The following DEPTOR variants were observed in gnomAD, a reference collection of about 807,000 sequenced individuals.
The protein encoded by DEPTOR is DEP domain-containing mTOR-interacting protein.
DEPTOR carries 41 observed loss-of-function variants against 41.6 expected under a neutral mutation model. The ratio of observed to expected loss-of-function variants is 0.98; its 90% CI spans 0.77 to 1.28. The LOEUF (loss-of-function observed/expected upper bound fraction) is 1.28, where lower values mean the gene tolerates loss of function less well. DEPTOR is among the 50% of genes most tolerant of loss of function. The probability of loss-of-function intolerance (pLI) is 0.00; values close to 1 mark genes in which losing one functional copy is unlikely to be tolerated. For missense variants in DEPTOR, 514 were observed against 527.9 expected (o/e 0.97, Z 0.26); for synonymous variants, 195 against 192.3 (o/e 1.01, Z -0.12).
intron 4 of DEPTOR, among the ~76,000 whole-genome samples, chr8:119,971,275 C>T (rs1428881372): frequency 6.7e-6 from 1 of 148,886 alleles, no homozygotes; most frequent in Non-Finnish European, 1.5e-5. Flanking sequence ...AATCAACTCA[C>T]AAAAGACAGA....
intron 1 of DEPTOR, among the ~76,000 whole-genome samples, chr8:119,915,945 TAAAAAAAA>T (rs201870960): frequency 2.4e-5 from 3 of 126,682 alleles, no homozygotes; most frequent in East Asian, 5.7e-4. Context: ...CTTCATTTGT[TAAAAAAAA>T]AAAAAAAAAA....
At chr8:120,020,071 T>G (rs1812675860) in intron 8 of DEPTOR, among the ~76,000 whole-genome samples, 1 of 51,676 alleles carries the variant, frequency 1.9e-5, no homozygotes, top group African/African-American at 1.0e-4. Flanking sequence ...TTCTTCTCAT[T>G]TTTTTTTGTT....
chr8:120,014,056 C>T (rs912117568), intron 8 of DEPTOR, among the ~76,000 whole-genome samples: 63 of 152,130 alleles, frequency 4.1e-4, no homozygotes, highest in African/African-American at 1.5e-3. Flanking sequence ...CTAGGCTTGA[C>T]CAAGCATCTT....
chr8:119,935,460 C>T (rs1307068558), intron 3 of DEPTOR, among the ~76,000 whole-genome samples: 1 of 152,160 alleles, frequency 6.6e-6, no homozygotes, highest in Non-Finnish European at 1.5e-5. Context: ...GTGGCTCACA[C>T]CTGTAAACCC....
intron 3 of DEPTOR, among the ~76,000 whole-genome samples, chr8:119,930,872 GC>G (rs1165792350): frequency 6.6e-6 from 1 of 152,100 alleles, no homozygotes; most frequent in Non-Finnish European, 1.5e-5. Flanking sequence ...AATGGCACGT[GC>G]TTTGTAACCC....
At chr8:120,005,743 C>T (rs1812427051) in intron 6 of DEPTOR, among the ~76,000 whole-genome samples, 1 of 152,158 alleles carries the variant, frequency 6.6e-6, no homozygotes, top group Non-Finnish European at 1.5e-5. Flanking sequence ...TTAGTGAGCA[C>T]AGGATGGATG....
intron 8 of DEPTOR, among the ~76,000 whole-genome samples, chr8:120,034,416 ACTTTTTTTTT>A (rs1812942453): frequency 1.4e-5 from 2 of 148,104 alleles, no homozygotes; most frequent in Admixed American, 1.4e-4. Flanking sequence ...TAAATCAGTA[ACTTTTTTTTT>A]CTTTTTTTTC....
chr8:119,951,923 AG>A (rs1211259964), intron 3 of DEPTOR, among the ~76,000 whole-genome samples: 1 of 152,120 alleles, frequency 6.6e-6, no homozygotes, highest in African/African-American at 2.4e-5. Context: ...GGATTACCTG[AG>A]TCAGGAGTTC....
At chr8:119,970,794 A>G (rs1436500710) in intron 4 of DEPTOR, among the ~76,000 whole-genome samples, 1 of 152,160 alleles carries the variant, frequency 6.6e-6, no homozygotes, top group African/African-American at 2.4e-5. Flanking sequence ...GTGTGGAGAA[A>G]TCCAGGCACA....
chr8:119,955,908 G>T (rs1828411558), intron 3 of DEPTOR, among the ~76,000 whole-genome samples: 2 of 152,192 alleles, frequency 1.3e-5, no homozygotes, highest in African/African-American at 2.4e-5. Context: ...AGAAGAGAAG[G>T]AGAAGAACTC....
chr8:119,960,725 G>A (rs971590345), intron 3 of DEPTOR, among the ~76,000 whole-genome samples: 2 of 152,062 alleles, frequency 1.3e-5, no homozygotes, highest in African/African-American at 4.8e-5. Flanking sequence ...TAAAAGAAAA[G>A]TGGCTCCCAG....
intron 8 of DEPTOR, among the ~76,000 whole-genome samples, chr8:120,035,946 G>A (rs1331929198): frequency 6.6e-6 from 1 of 152,230 alleles, no homozygotes; most frequent in East Asian, 1.9e-4. Context: ...AGCTGCCGAT[G>A]GGAAGGTGAC....
chr8:119,876,418 C>G (rs924404735), intron 1 of DEPTOR, among the ~76,000 whole-genome samples: 10 of 151,972 alleles, frequency 6.6e-5, no homozygotes, highest in African/African-American at 2.4e-4. Flanking sequence ...CAGGCGGATC[C>G]CTTGAGGTCT....
intron 4 of DEPTOR, among the ~76,000 whole-genome samples, chr8:119,997,585 G>A (rs17822044): frequency 0.28 from 43,054 of 151,914 alleles, 6,461 homozygotes; most frequent in South Asian, 0.45. Flanking sequence ...AACTATACTT[G>A]TCTTTGAGGC....
At chr8:119,892,367 C>T (rs1019092317) in intron 1 of DEPTOR, among the ~76,000 whole-genome samples, 9 of 152,198 alleles carry the variant, frequency 5.9e-5, no homozygotes, top group African/African-American at 2.2e-4. Context: ...GCTTATACCT[C>T]AGTATATCAT....
intron 8 of DEPTOR, among the ~76,000 whole-genome samples, chr8:120,041,379 G>A (rs965752265): frequency 1.3e-5 from 2 of 152,162 alleles, no homozygotes; most frequent in Non-Finnish European, 2.9e-5. Context: ...GCAGGGAGAG[G>A]AATTGTAGGC....
At chr8:119,983,848 T>C (rs912027779) in intron 4 of DEPTOR, among the ~76,000 whole-genome samples, 2 of 152,238 alleles carry the variant, frequency 1.3e-5, no homozygotes, top group Non-Finnish European at 2.9e-5. Context: ...GCCACTGCTA[T>C]CTTCCTTTTC....
chr8:120,036,837 G>T (rs914902908), intron 8 of DEPTOR, among the ~76,000 whole-genome samples: 1 of 152,178 alleles, frequency 6.6e-6, no homozygotes, highest in African/African-American at 2.4e-5. Context: ...TTACCTTATG[G>T]TCAAGATCAG....
At chr8:119,970,749 C>T (rs1332567872) in intron 4 of DEPTOR, among the ~76,000 whole-genome samples, 1 of 152,114 alleles carries the variant, frequency 6.6e-6, no homozygotes, top group African/African-American at 2.4e-5. Flanking sequence ...GGATACACAG[C>T]AGGGTCAGCA....
Sources: allele counts gnomAD v4.1 joint callset (sites outside exome capture counted in the v4.1 genomes callset), GRCh38; gene constraint gnomAD v4.1.1; transcripts MANE v1.5; gene names NCBI Gene and HGNC (gene_info 2026-07-23, HGNC 2026-07-21).